HMGA2: variants seen among roughly 807,000 people sequenced by gnomAD.
The protein encoded by HMGA2 is high mobility group protein HMGI-C.
Under a neutral mutation model 19.1 loss-of-function variants are expected in HMGA2, and 8 were observed. That is an observed-to-expected ratio of 0.42 (90% CI 0.25 to 0.76). The LOEUF is 0.76. HMGA2 is among the 30% of genes least tolerant of loss of function. The pLI, the probability that HMGA2 is intolerant of heterozygous loss-of-function variation, is 0.28. For synonymous variants in HMGA2, 60 were observed against 48.8 expected (o/e 1.23, Z -0.96); for missense variants, 109 against 136.3 (o/e 0.80, Z 1.00).
At chr12:65,827,785 T>C (rs2120825265) in intron 1 of HMGA2, among the ~76,000 whole-genome samples, 1 of 152,350 alleles carries the variant, frequency 6.6e-6, no homozygotes, top group South Asian at 2.1e-4. Flanking sequence ...AGTTTTCATA[T>C]ACAAAATAGA....
At chr12:65,838,417 A>G (rs1365553698) in intron 2 of HMGA2, 102 bp from the exon 3 acceptor site, 1 of 849,140 alleles carries the variant, frequency 1.2e-6, no homozygotes, top group African/African-American at 1.7e-5. Context: ...CCGATACGTC[A>G]TCTGCAAAGC....
intron 3 of HMGA2, chr12:65,867,404 C>A (rs951462879): frequency 4.8e-6 from 2 of 417,110 alleles, no homozygotes; most frequent in East Asian, 7.1e-5. Flanking sequence ...AAGCCAGGAA[C>A]CAGCACACTT....
Position 65,940,113 on chromosome 12 carries a change from GA to G in HMGA2, c.250-11261del, listed in dbSNP as rs369692357. ...ATTATAGCAGGTGATAAACAAGAGA[GA>G]AAAAAAAACAAAAATAAGTCATTAA... On this transcript the variant is annotated intron_variant, in intron 3 of 4. Transcript: ENST00000403681. Among the ~76,000 whole-genome samples, 192 of 148,188 alleles carry G rather than the reference GA, an allele frequency of 1.3e-3. 2 individuals are homozygous for G. The highest frequency in any genetic ancestry group is 4.5e-3 in the African/African-American group (181 of 40,502).
At chr12:65,839,759 A>T (rs1206549708) in intron 3 of HMGA2, among the ~76,000 whole-genome samples, 2 of 152,170 alleles carry the variant, frequency 1.3e-5, no homozygotes, top group Non-Finnish European at 2.9e-5. Flanking sequence ...CCTACTTATC[A>T]AGTGGTGATC....
At chr12:65,962,222 C>T (rs556352133) in intron 4 of HMGA2, among the ~76,000 whole-genome samples, 5 of 152,284 alleles carry the variant, frequency 3.3e-5, no homozygotes, top group East Asian at 1.9e-4. Context: ...ACGCTTTTAT[C>T]GGAAATGTTT....
rs554047023 is a variant in HMGA2 at position 65,962,183 on chromosome 12, A to G, written c.283-1062A>G. ...GCCGTCTTATGAGACAATGTGCAGCATTTGATAAAAATCATCCTCTCACTA... is the reference window on the plus strand; with the variant it reads ...GCCGTCTTATGAGACAATGTGCAGCGTTTGATAAAAATCATCCTCTCACTA... On this transcript the variant is annotated intron_variant, in intron 4 of 4. Coordinates refer to ENST00000403681, the MANE Select transcript of HMGA2 (RefSeq NM_003483.6). Among the ~76,000 whole-genome samples the G allele has an allele frequency of 2.6e-5, 4 of 152,354 alleles. 1 individual carries two copies. The South Asian group carries it at 8.3e-4, about 32-fold the overall frequency.
At chr12:65,949,065 G>A (rs1031069316) in intron 3 of HMGA2, among the ~76,000 whole-genome samples, 25 of 152,092 alleles carry the variant, frequency 1.6e-4, no homozygotes, top group African/African-American at 5.1e-4. Context: ...TGACCCTTTG[G>A]AAATGAATCC....
chr12:65,835,211 T>G (rs1407117527), intron 2 of HMGA2, among the ~76,000 whole-genome samples: 3 of 152,202 alleles, frequency 2.0e-5, no homozygotes, highest in African/African-American at 7.2e-5. Context: ...GCCTCCTGAA[T>G]GTTTTGTTTG....
At chr12:65,878,584 A>T (rs972287438) in intron 3 of HMGA2, among the ~76,000 whole-genome samples, 2 of 152,238 alleles carry the variant, frequency 1.3e-5, no homozygotes, top group African/African-American at 4.8e-5. Flanking sequence ...TATCTGTTTT[A>T]AAAAATCTAC....
intron 3 of HMGA2, among the ~76,000 whole-genome samples, chr12:65,927,394 C>G (rs548710136): frequency 8.5e-5 from 13 of 152,284 alleles, no homozygotes; most frequent in African/African-American, 3.1e-4. Flanking sequence ...CTTTTGATTC[C>G]ATATTCTGCC....
intron 3 of HMGA2, among the ~76,000 whole-genome samples, chr12:65,917,587 G>A (rs1453509410): frequency 1.3e-5 from 2 of 152,150 alleles, no homozygotes; most frequent in African/African-American, 4.8e-5. Context: ...CAGTGCCTGT[G>A]AGCATCACTG....
intron 4 of HMGA2, 93 bp downstream of exon 4, chr12:65,951,508 T>G (rs1876459942): frequency 2.4e-6 from 2 of 836,508 alleles, no homozygotes; most frequent in Admixed American, 2.3e-5. Context: ...TATTTCGCAT[T>G]TTCTTACTTT....
chr12:65,891,407 A>G (rs1008515749), intron 3 of HMGA2, among the ~76,000 whole-genome samples: 2 of 152,176 alleles, frequency 1.3e-5, no homozygotes, highest in Admixed American at 6.5e-5. Flanking sequence ...TTGAACTACA[A>G]TAATATTTTC....
chr12:65,947,762 A>G (rs970297193), intron 3 of HMGA2, among the ~76,000 whole-genome samples: 2 of 152,156 alleles, frequency 1.3e-5, no homozygotes, highest in African/African-American at 4.8e-5. Context: ...TGATGTACAC[A>G]CCTTTAAGAG....
chr12:65,825,257 C>G lies in HMGA2; in HGVS notation c.-14C>G. On this transcript the variant is annotated 5_prime_UTR_variant, in exon 1 of 5. Coordinates refer to ENST00000403681, the MANE Select transcript of HMGA2 (RefSeq NM_003483.6). The surrounding 1 kb of genome is among the most constrained non-coding windows in gnomAD (Gnocchi z 4.4). ...GAAGCGGCTGCAGCGGCGGTAGCGG[C>G]GGCGGGAGGCAGGATGAGCGCACGC... 2.6e-6 allele frequency: 4 copies of G among 1,523,976 alleles called. No homozygotes were observed. Among genetic ancestry groups the G allele is most frequent in the Non-Finnish European group, 2.6e-6 (3 of 1,140,140 alleles). 94.4% of individuals were successfully genotyped at this position (1,523,976 alleles called of 1,614,324 possible).
intron 3 of HMGA2, among the ~76,000 whole-genome samples, chr12:65,904,762 A>G (rs116380667): frequency 0.028 from 4,270 of 152,274 alleles, 209 homozygotes; most frequent in African/African-American, 0.098. Flanking sequence ...GGTAAATTAT[A>G]GAGTGAAACT....
chr12:65,895,443 A>G (rs1874085128), intron 3 of HMGA2, among the ~76,000 whole-genome samples: 1 of 152,296 alleles, frequency 6.6e-6, no homozygotes, highest in South Asian at 2.1e-4. Context: ...CTTTGTACCT[A>G]AAGGTTCTGA....
At chr12:65,939,507 C>T (rs1279331870) in intron 3 of HMGA2, among the ~76,000 whole-genome samples, 2 of 152,104 alleles carry the variant, frequency 1.3e-5, no homozygotes, top group Non-Finnish European at 2.9e-5. Context: ...AGGCACCCAC[C>T]ACCACACCTG....
rs187580808 is a variant in HMGA2, at chr12:65,876,542, T to C, written c.249+37973T>C. Among the ~76,000 whole-genome samples, 28 of 152,312 alleles carry C rather than the reference T, an allele frequency of 1.8e-4. 1 individual carries two copies. The highest frequency in any genetic ancestry group is 6.7e-4 in the African/African-American group (28 of 41,572). ...TATTTCTTTCAAGAAAACCAAATCC[T>C]ACAACCCCAGAAAGAGATTCTAATT... On this transcript the variant is annotated intron_variant, in intron 3 of 4. Transcript: ENST00000403681.
Sources: gnomAD v4.1 joint callset for allele counts (sites outside exome capture counted in the v4.1 genomes callset) on GRCh38, gnomAD v4.1.1 for gene constraint, Gnocchi (gnomAD v3.1) non-coding constraint, MANE v1.5 for transcripts, NCBI Gene and HGNC (gene_info 2026-07-23, HGNC 2026-07-21) for gene names.